USP32: variants seen among roughly 807,000 people sequenced by gnomAD.
USP32 encodes ubiquitin specific peptidase 32.
In USP32, 59 loss-of-function variants were observed where a neutral mutation model predicts 204.8. That is an observed-to-expected ratio of 0.29 (90% CI 0.23 to 0.36). The LOEUF (loss-of-function observed/expected upper bound fraction) is 0.36. Among genes scored for constraint, USP32 ranks in the 10% least tolerant of loss-of-function variants. USP32 has a pLI of 1.00. For missense variants in USP32, 1,160 were observed against 1,946.4 expected, an observed-to-expected ratio of 0.60 and a Z score of 7.60; for synonymous variants, 517 against 678.4, an observed-to-expected ratio of 0.76 and a Z score of 3.70.
intron 5 of USP32, among the ~76,000 whole-genome samples, chr17:60,273,298 C>A (rs1460607917): frequency 2.6e-5 from 4 of 152,120 alleles, no homozygotes; most frequent in Non-Finnish European, 4.4e-5. Flanking sequence ...AAACTGTAAG[C>A]TAAAAAAGTC....
At chr17:60,253,553 G>A (rs538833659) in intron 10 of USP32, among the ~76,000 whole-genome samples, 1 of 151,966 alleles carries the variant, frequency 6.6e-6, no homozygotes, top group African/African-American at 2.4e-5. Flanking sequence ...ATCACTTGAG[G>A]TCAGGAGTTT....
At chr17:60,340,038 C>A (rs969344480) in intron 2 of USP32, among the ~76,000 whole-genome samples, 50 of 152,162 alleles carry the variant, frequency 3.3e-4, no homozygotes, top group African/African-American at 8.9e-4. Flanking sequence ...CAGAATCTCA[C>A]CAAGAATAAT....
intron 11 of USP32, among the ~76,000 whole-genome samples, chr17:60,244,591 G>T (rs1429968014): frequency 6.6e-6 from 1 of 151,922 alleles, no homozygotes; most frequent in Non-Finnish European, 1.5e-5. Context: ...ATTGTTGTAG[G>T]GTTTACAATA....
At chr17:60,418,683 C>T (rs1265918179) in intron 1 of USP32, among the ~76,000 whole-genome samples, 1 of 151,914 alleles carries the variant, frequency 6.6e-6, no homozygotes, top group Non-Finnish European at 1.5e-5. Context: ...AACAAACAAC[C>T]CCATTAAAAA....
chr17:60,302,550 C>T (rs976408369), intron 2 of USP32, among the ~76,000 whole-genome samples: 4 of 152,200 alleles, frequency 2.6e-5, no homozygotes, highest in South Asian at 2.1e-4. Context: ...ATGGGTTTAT[C>T]GGGCTGTAAT....
At chr17:60,276,248 AT>A (rs2086837270) in intron 5 of USP32, among the ~76,000 whole-genome samples, 1 of 152,162 alleles carries the variant, frequency 6.6e-6, no homozygotes, top group Admixed American at 6.5e-5. Flanking sequence ...TGTAAAACTC[AT>A]ACTAAAGAAT....
intron 11 of USP32, among the ~76,000 whole-genome samples, chr17:60,237,961 C>T (rs1260486776): frequency 3.3e-5 from 5 of 152,164 alleles, no homozygotes; most frequent in African/African-American, 4.8e-5. Context: ...ATTGCTGGTA[C>T]ATGGAAATTC....
rs376214408 is a variant in USP32 at position 60,391,931 on chromosome 17, G to A, written c.9C>T (p.Ala3=). 3 of 1,611,780 alleles carry A rather than the reference G, an allele frequency of 1.9e-6. No individual in the cohort carries two copies. The change falls in exon 1 of 34, where the codon GCC becomes GCT. Residue 3 remains alanine (A), a synonymous_variant. Coordinates refer to ENST00000300896, the MANE Select transcript of USP32 (RefSeq NM_032582.4). ...TGAGGAATCCGATCCGTGACTCCTT[G>A]GCACCCATGCTCCCCTCATCCCCTC... MG[A]KESRIGFLSY...
At chr17:60,245,228 A>AT (rs61362181) in intron 11 of USP32, 3,320 of 190,534 alleles carry the variant, frequency 0.017, 16 homozygotes, top group Middle Eastern at 0.034. Flanking sequence ...GGTGCTCTTT[A>AT]TTTTTTTTTT....
At chr17:60,290,865 G>C (rs2087254941) in intron 4 of USP32, among the ~76,000 whole-genome samples, 1 of 152,146 alleles carries the variant, frequency 6.6e-6, no homozygotes, top group Non-Finnish European at 1.5e-5. Flanking sequence ...ATGATCGCTA[G>C]CGAAGATGTC....
intron 2 of USP32, among the ~76,000 whole-genome samples, chr17:60,320,476 T>G (rs2088085759): frequency 6.6e-6 from 1 of 152,094 alleles, no homozygotes; most frequent in Non-Finnish European, 1.5e-5. Flanking sequence ...CACGCAGACA[T>G]CCACACTCAC....
intron 2 of USP32, among the ~76,000 whole-genome samples, chr17:60,333,211 C>G (rs930545167): frequency 2.6e-5 from 4 of 152,192 alleles, no homozygotes; most frequent in African/African-American, 9.7e-5. Context: ...CAATCACAAG[C>G]CTTACCAAAA....
At chr17:60,419,152 G>C (rs1036274058) in intron 1 of USP32, among the ~76,000 whole-genome samples, 43 of 152,050 alleles carry the variant, frequency 2.8e-4, no homozygotes, top group African/African-American at 9.9e-4. Context: ...AAGAAAATGT[G>C]GTAATATCCA....
chr17:60,288,489 G>A, intron 5 of USP32, 34 bp downstream of exon 5: 1 of 1,556,480 alleles, frequency 6.4e-7, no homozygotes, highest in African/African-American at 1.4e-5. Flanking sequence ...TATAAAAAAA[G>A]GCAAACAGAA....
chr17:60,411,239 G>A (rs1037457701), intron 1 of USP32, among the ~76,000 whole-genome samples: 1 of 151,806 alleles, frequency 6.6e-6, no homozygotes, highest in Admixed American at 6.6e-5. Flanking sequence ...CAGGAGAATC[G>A]CTTGAACCCA....
intron 1 of USP32, among the ~76,000 whole-genome samples, chr17:60,401,740 GAA>G (rs2089936979): frequency 1.3e-5 from 2 of 150,186 alleles, no homozygotes; most frequent in Admixed American, 1.3e-4. Flanking sequence ...AAAAAAAAAA[GAA>G]AGAAAGTAGA....
At chr17:60,330,951 C>T (rs1021190570) in intron 2 of USP32, among the ~76,000 whole-genome samples, 2 of 152,160 alleles carry the variant, frequency 1.3e-5, no homozygotes, top group African/African-American at 4.8e-5. Flanking sequence ...CACAAGTTAA[C>T]TGTACTTGTA....
chr17:60,231,647 C>A (rs537271662), intron 12 of USP32: 1 of 498,174 alleles, frequency 2.0e-6, no homozygotes, highest in Non-Finnish European at 4.0e-6. Context: ...GAGAGAGGCA[C>A]GAAAGGTGAT....
intron 33 of USP32, 61 bp downstream of exon 33, chr17:60,180,484 T>C (rs1007767455): frequency 2.6e-5 from 40 of 1,528,700 alleles, no homozygotes; most frequent in African/African-American, 8.2e-5. Flanking sequence ...TTTCAACAAA[T>C]GTTCCCCAGT....
Sources: gnomAD v4.1 joint callset for allele counts (sites outside exome capture counted in the v4.1 genomes callset) on GRCh38, gnomAD v4.1.1 for gene constraint, MANE v1.5 for transcripts, NCBI Gene and HGNC (gene_info 2026-07-23, HGNC 2026-07-21) for gene names.